The following DLG2 variants were observed in gnomAD, a reference collection of about 807,000 sequenced individuals.
The protein encoded by DLG2 is discs large MAGUK scaffold protein 2.
Under a neutral mutation model 132.5 loss-of-function variants are expected in DLG2, and 45 were observed. The ratio of observed to expected loss-of-function variants is 0.34; its 90% CI spans 0.27 to 0.44. The LOEUF is 0.44. DLG2 is among the 20% of genes least tolerant of loss of function. DLG2 has a pLI of 1.00. For missense variants in DLG2, 1,045 were observed against 1,196.9 expected (o/e 0.87, Z 1.87); for synonymous variants, 424 against 419.6 (o/e 1.01, Z -0.13).
chr11:83,855,095 A>G (rs1467507531), intron 16 of DLG2, among the ~76,000 whole-genome samples: 5 of 152,208 alleles, frequency 3.3e-5, no homozygotes, highest in African/African-American at 4.8e-5. Context: ...ATATCATCAG[A>G]GAAATGCAAA....
chr11:85,187,357 A>C (rs1162542336), intron 4 of DLG2, among the ~76,000 whole-genome samples: 1 of 152,180 alleles, frequency 6.6e-6, no homozygotes, highest in Non-Finnish European at 1.5e-5. Context: ...ACAAATAAAA[A>C]TATGGCTGTC....
intron 7 of DLG2, among the ~76,000 whole-genome samples, chr11:84,367,664 TA>T (rs887013143): frequency 6.6e-6 from 1 of 152,002 alleles, no homozygotes; most frequent in African/African-American, 2.4e-5. Flanking sequence ...ATGAGTCTGT[TA>T]AAAAAGTGAG....
At chr11:85,439,764 G>C (rs1386598941) in intron 3 of DLG2, among the ~76,000 whole-genome samples, 1 of 152,136 alleles carries the variant, frequency 6.6e-6, no homozygotes, top group Non-Finnish European at 1.5e-5. Context: ...TAGTAACAGA[G>C]TATAGAGTAA....
chr11:85,470,001 C>T (rs916160732), intron 3 of DLG2, among the ~76,000 whole-genome samples: 1 of 152,114 alleles, frequency 6.6e-6, no homozygotes, highest in Non-Finnish European at 1.5e-5. Context: ...CAAGATCTGC[C>T]TACCTTTCTA....
At chr11:85,470,730 C>T (rs1205718078) in intron 3 of DLG2, among the ~76,000 whole-genome samples, 1 of 151,696 alleles carries the variant, frequency 6.6e-6, no homozygotes, top group Non-Finnish European at 1.5e-5. Context: ...TCTGTCTCAA[C>T]CAAAAATAAA....
chr11:84,826,700 T>C (rs2078368762), intron 6 of DLG2, among the ~76,000 whole-genome samples: 1 of 151,666 alleles, frequency 6.6e-6, no homozygotes, highest in African/African-American at 2.4e-5. Context: ...AGAACTTGAT[T>C]GCATAGAGGG....
At chr11:83,943,842 C>T (rs1355425679) in intron 14 of DLG2, among the ~76,000 whole-genome samples, 2 of 152,214 alleles carry the variant, frequency 1.3e-5, no homozygotes, top group Non-Finnish European at 1.5e-5. Context: ...GGTTCAAATA[C>T]TGTTCTTCCA....
intron 6 of DLG2, among the ~76,000 whole-genome samples, chr11:84,755,694 A>G (rs927423315): frequency 8.5e-5 from 13 of 152,354 alleles, no homozygotes; most frequent in African/African-American, 3.1e-4. Context: ...AAGTGCTGGG[A>G]TTACAGGCAT....
At chr11:85,308,318 T>C (rs2080099029) in intron 3 of DLG2, among the ~76,000 whole-genome samples, 1 of 151,986 alleles carries the variant, frequency 6.6e-6, no homozygotes, top group Non-Finnish European at 1.5e-5. Flanking sequence ...AGTTATCCTA[T>C]TTACCCCTTA....
chr11:84,585,277 A>G (rs999414555), intron 6 of DLG2, among the ~76,000 whole-genome samples: 3 of 152,258 alleles, frequency 2.0e-5, no homozygotes, highest in Non-Finnish European at 2.9e-5. Context: ...TACTTTTTTA[A>G]TAATAAGGAA....
chr11:83,942,972 C>T (rs790374), intron 14 of DLG2, among the ~76,000 whole-genome samples: 150,747 of 152,292 alleles, frequency 0.99, 74,614 homozygotes, highest in East Asian at 1. Flanking sequence ...GCAGGTCTTT[C>T]CTATGCTGTT....
intron 6 of DLG2, among the ~76,000 whole-genome samples, chr11:84,586,027 T>A (rs1031052300): frequency 3.9e-5 from 6 of 152,066 alleles, no homozygotes; most frequent in African/African-American, 7.2e-5. Context: ...GGTGCATGCC[T>A]GTAATCCCAG....
intron 3 of DLG2, among the ~76,000 whole-genome samples, chr11:85,400,258 C>T (rs1596959556): frequency 1.3e-5 from 2 of 150,622 alleles, no homozygotes; most frequent in South Asian, 4.3e-4. Context: ...GTTAGAATGG[C>T]TATCATTAAA....
At chr11:84,941,703 T>C (rs1359443887) in intron 6 of DLG2, among the ~76,000 whole-genome samples, 5 of 151,864 alleles carry the variant, frequency 3.3e-5, no homozygotes, top group South Asian at 2.1e-4. Flanking sequence ...TTCTCTTTTT[T>C]TTTTTTTGAT....
intron 7 of DLG2, among the ~76,000 whole-genome samples, chr11:84,323,720 CTTT>C (rs35283044): frequency 7.3e-5 from 9 of 123,754 alleles, no homozygotes; most frequent in Non-Finnish European, 1.2e-4. Flanking sequence ...TTCTTTTTTC[CTTT>C]TTTTTTTTTT....
chr11:83,693,550 C>A (rs1337348236), intron 18 of DLG2, among the ~76,000 whole-genome samples: 2 of 152,178 alleles, frequency 1.3e-5, no homozygotes, highest in Non-Finnish European at 2.9e-5. Flanking sequence ...ACCCTGTCCA[C>A]TTCCCTTTTG....
rs1190074285 is a variant in DLG2, at chr11:84,169,642, GCAGGTGGAT to G, written c.574-6140_574-6132del. Reference sequence around the variant, plus strand: ...AATCTCAGCACTTTGGGAGGCTGAGGCAGGTGGATCACTCGAAGTCAGGAGTTCATGATC... The same window carrying G: ...AATCTCAGCACTTTGGGAGGCTGAGGCACTCGAAGTCAGGAGTTCATGATC... On this transcript the variant is annotated intron_variant, in intron 8 of 27. Coordinates refer to ENST00000376104, the MANE Select transcript of DLG2 (RefSeq NM_001142699.3). Among the ~76,000 whole-genome samples, 9 of 152,240 alleles carry G rather than the reference GCAGGTGGAT, an allele frequency of 5.9e-5. No homozygotes were observed. In the East Asian group the frequency reaches 1.7e-3, roughly 29 times the overall value.
At chr11:83,558,252 T>A (rs955232988) in intron 19 of DLG2, among the ~76,000 whole-genome samples, 4 of 152,210 alleles carry the variant, frequency 2.6e-5, no homozygotes, top group African/African-American at 9.6e-5. Context: ...ATTTAATACA[T>A]CTTCTTATTG....
At chr11:85,550,387 G>A (rs901560853) in intron 3 of DLG2, among the ~76,000 whole-genome samples, 2 of 152,250 alleles carry the variant, frequency 1.3e-5, no homozygotes, top group African/African-American at 4.8e-5. Context: ...GGGCCTGCAT[G>A]GAGTTTGTGC....
Sources: gnomAD v4.1 joint callset for allele counts (sites outside exome capture counted in the v4.1 genomes callset) on GRCh38, gnomAD v4.1.1 for gene constraint, MANE v1.5 for transcripts, NCBI Gene and HGNC (gene_info 2026-07-23, HGNC 2026-07-21) for gene names.